Variants in PLCG2 observed in about 807,000 individuals in gnomAD.
PLCG2 encodes the protein 1-phosphatidylinositol 4,5-bisphosphate phosphodiesterase gamma-2.
In PLCG2, 69 loss-of-function variants were observed where a neutral mutation model predicts 175.6. The observed-to-expected ratio is 0.39, with a 90% CI of 0.32 to 0.48. PLCG2 has a LOEUF of 0.48. Ranked by LOEUF, PLCG2 falls within the 20% of genes least tolerant of loss-of-function variation. The pLI, the probability that PLCG2 is intolerant of heterozygous loss-of-function variation, is 0.91. For missense variants in PLCG2, 1,798 were observed against 1,650.9 expected, an observed-to-expected ratio of 1.09 and a Z score of -1.54; for synonymous variants, 827 against 624.0, an observed-to-expected ratio of 1.33 and a Z score of -4.85.
chr16:81,951,372 C>G (rs1167335485), intron 31 of PLCG2, among the ~76,000 whole-genome samples: 1 of 152,142 alleles, frequency 6.6e-6, no homozygotes, highest in African/African-American at 2.4e-5. Context: ...TAAACTACAG[C>G]AAATGGATGA....
intron 27 of PLCG2, chr16:81,937,549 T>A (rs998107422): frequency 2.4e-6 from 1 of 424,864 alleles, no homozygotes; most frequent in African/African-American, 2.0e-5. Context: ...TGATTCGGGA[T>A]TTGGTGACAT....
At chr16:81,910,025 G>T (rs980510686) in intron 17 of PLCG2, among the ~76,000 whole-genome samples, 6 of 143,508 alleles carry the variant, frequency 4.2e-5, no homozygotes, top group African/African-American at 1.5e-4. Flanking sequence ...TGGGGTGGGG[G>T]AAGTAGGTAG....
In PLCG2 at chr16:81,905,401, A is replaced by G. The variant is rs537762898; in HGVS notation, c.1363-2A>G. ...CAGCCTATGTATATGTTTTCCCCTCAGCATAAGAAGCTGGGCCCCCGAGGC... is the reference window on the plus strand; with the variant it reads ...CAGCCTATGTATATGTTTTCCCCTCGGCATAAGAAGCTGGGCCCCCGAGGC... On this transcript the variant is annotated splice_acceptor_variant, in intron 14 of 32. Coordinates refer to ENST00000564138, the MANE Select transcript of PLCG2 (RefSeq NM_002661.5). LOFTEE classifies it high-confidence loss of function. The G allele has an allele frequency of 6.2e-7, 1 of 1,611,590 alleles. No individual in the cohort carries two copies. Among genetic ancestry groups the G allele is most frequent in the Non-Finnish European group, 8.5e-7 (1 of 1,177,742 alleles).
intron 17 of PLCG2, 149 bp from the exon 18 acceptor site, chr16:81,910,371 A>C (rs774322485): frequency 7.2e-6 from 5 of 695,248 alleles, no homozygotes; most frequent in Non-Finnish European, 1.2e-5. Flanking sequence ...GATTACAGGC[A>C]TGAGCCACTG....
At chr16:81,897,548 C>CTTTTTTTTTT (rs10710027) in intron 13 of PLCG2, among the ~76,000 whole-genome samples, 3 of 128,680 alleles carry the variant, frequency 2.3e-5, no homozygotes, top group Non-Finnish European at 4.8e-5. Context: ...CTTTTCTTTT[C>CTTTTTTTTTT]TTTTTTTTTT....
chr16:81,885,362 C>T (rs1278729630), intron 9 of PLCG2, among the ~76,000 whole-genome samples: 1 of 152,058 alleles, frequency 6.6e-6, no homozygotes, highest in Non-Finnish European at 1.5e-5. Flanking sequence ...CAGGATTTCC[C>T]CATGTTGCTC....
At chr16:81,874,309 G>A (rs1051556142) in intron 7 of PLCG2, among the ~76,000 whole-genome samples, 1 of 152,136 alleles carries the variant, frequency 6.6e-6, no homozygotes, top group Non-Finnish European at 1.5e-5. Context: ...GCTCATTTAT[G>A]TTGCTTACCT....
In PLCG2 at chr16:81,931,519, C is replaced by A. The variant is rs1131691537; in HGVS notation, c.2604C>A (p.Asn868Lys). ...YNVVKAPQGK[N>K]QKSFVFILEP... ...AAGTGAAAGCCCCTCAGGGAAAAAA[C>A]CAGAAGTCCTTTGTCTTCATCCTGG... Residue 868 changes from asparagine (N) to lysine (K), a missense_variant, in exon 25 of 33, where the codon AAC becomes AAA. Transcript: ENST00000564138. The A allele has an allele frequency of 1.9e-6, 3 of 1,613,958 alleles. No homozygotes were observed. The highest frequency in any genetic ancestry group is 2.5e-6 in the Non-Finnish European group (3 of 1,179,944).
At position 81,958,034 on chromosome 16, in the gene PLCG2, G is replaced by A. The variant is rs745341461; in HGVS notation, c.*36G>A. On this transcript the variant is annotated 3_prime_UTR_variant, in exon 33 of 33. Transcript: ENST00000564138. ...ATGTGTGTAAGGGTATTGTGTGTGT[G>A]CGCATGTGTGTTTGCATGTAGGAGA... The A allele has an allele frequency of 4.8e-6, 7 of 1,466,682 alleles. No individual in the cohort carries two copies. The highest frequency in any genetic ancestry group is 1.7e-4 in the Middle Eastern group (1 of 5,820). 90.9% of individuals were successfully genotyped at this position (1,466,682 alleles called of 1,614,324 possible).
chr16:81,929,188 T>C (rs1350480579), intron 24 of PLCG2, among the ~76,000 whole-genome samples: 1 of 152,196 alleles, frequency 6.6e-6, no homozygotes, highest in Admixed American at 6.5e-5. Context: ...TGATGTGTGC[T>C]GGGTTTCCTG....
intron 30 of PLCG2, among the ~76,000 whole-genome samples, chr16:81,941,407 G>A (rs552127039): frequency 6.6e-6 from 1 of 152,198 alleles, no homozygotes; most frequent in Admixed American, 6.5e-5. Flanking sequence ...TGGGGCCAAG[G>A]AATCTGCATC....
At chr16:81,780,636 C>T (rs527858919) in intron 1 of PLCG2, among the ~76,000 whole-genome samples, 35 of 152,340 alleles carry the variant, frequency 2.3e-4, no homozygotes, top group African/African-American at 7.5e-4. Flanking sequence ...GGAGTATGGG[C>T]AGTTCCTCTG....
At chr16:81,932,801 G>A (rs890186307) in intron 25 of PLCG2, among the ~76,000 whole-genome samples, 139 of 152,334 alleles carry the variant, frequency 9.1e-4, no homozygotes, top group African/African-American at 3.2e-3. Context: ...CTTCCCTAGG[G>A]CTCCTAATTC....
At chr16:81,911,598 T>C (rs1440575157) in intron 18 of PLCG2, among the ~76,000 whole-genome samples, 1 of 1,586 alleles carries the variant, frequency 6.3e-4, no homozygotes, top group Non-Finnish European at 1.3e-3. Context: ...TGTGCCCAGC[T>C]AATTAATTAA....
At chr16:81,888,501 C>A (rs1355672599) in intron 9 of PLCG2, among the ~76,000 whole-genome samples, 1 of 152,214 alleles carries the variant, frequency 6.6e-6, no homozygotes, top group African/African-American at 2.4e-5. Context: ...TGGGTCTGAG[C>A]ACTTTCTGTG....
chr16:81,822,286 G>A (rs930171851), intron 2 of PLCG2, among the ~76,000 whole-genome samples: 2 of 152,150 alleles, frequency 1.3e-5, no homozygotes, highest in Non-Finnish European at 2.9e-5. Flanking sequence ...GTCGGCATAG[G>A]TGGTAAGCAT....
At chr16:81,817,934 T>G (rs764013845) in intron 2 of PLCG2, among the ~76,000 whole-genome samples, 2 of 152,346 alleles carry the variant, frequency 1.3e-5, no homozygotes, top group South Asian at 2.1e-4. Flanking sequence ...AAGTGAACAC[T>G]TGGGGTTGAG....
chr16:81,913,849 G>C (rs535840031), intron 19 of PLCG2, among the ~76,000 whole-genome samples: 64 of 152,206 alleles, frequency 4.2e-4, no homozygotes, highest in African/African-American at 1.5e-3. Flanking sequence ...CTTCCTCCTT[G>C]CCTGCACCAC....
Position 81,876,525 on chromosome 16 carries a change from C to T in PLCG2, c.649-4385C>T, listed in dbSNP as rs776418703. On this transcript the variant is annotated intron_variant, in intron 7 of 32. Coordinates refer to ENST00000564138, the MANE Select transcript of PLCG2 (RefSeq NM_002661.5). ...GTGACCCCCGCCTCTGGCATGGCCC[C>T]TTCTCTTGTCCAGCTGGTAACTTCT... is the stretch of plus-strand genomic sequence containing the variant. Among the ~76,000 whole-genome samples the T allele has an allele frequency of 4.0e-4, 61 of 152,332 alleles. 1 individual carries two copies. The highest frequency in any genetic ancestry group is 6.9e-4 in the Non-Finnish European group (47 of 68,036).
Sources: gnomAD v4.1 joint callset for allele counts (sites outside exome capture counted in the v4.1 genomes callset) on GRCh38, gnomAD v4.1.1 for gene constraint, MANE v1.5 for transcripts, NCBI Gene and HGNC (gene_info 2026-07-23, HGNC 2026-07-21) for gene names.